NAALADL2: variants seen among roughly 807,000 people sequenced by gnomAD.
NAALADL2 encodes the protein N-acetylated alpha-linked acidic dipeptidase like 2, also known as inactive N-acetylated-alpha-linked acidic dipeptidase-like protein 2.
NAALADL2 carries 76 observed loss-of-function variants against 87.2 expected under a neutral mutation model. That is an observed-to-expected ratio of 0.87 (90% CI 0.72 to 1.05). The LOEUF (loss-of-function observed/expected upper bound fraction) is 1.05, where lower values mean the gene tolerates loss of function less well. Ranked by LOEUF, NAALADL2 falls within the 50% of genes least tolerant of loss-of-function variation. The pLI is 0.00. For missense variants in NAALADL2, 1,089 were observed against 945.8 expected, an observed-to-expected ratio of 1.15 and a Z score of -1.99; for synonymous variants, 354 against 331.0, an observed-to-expected ratio of 1.07 and a Z score of -0.75.
intron 5 of NAALADL2, among the ~76,000 whole-genome samples, chr3:175,388,027 G>C (rs9290552): frequency 0.23 from 35,403 of 151,736 alleles, 4,661 homozygotes; most frequent in East Asian, 0.45. Context: ...CACCATTCTC[G>C]GTAACTATCA....
rs549979382 is a variant in NAALADL2 at position 175,628,378 on chromosome 3, A to G, written c.1896+992A>G. 1.3e-5 allele frequency among the ~76,000 whole-genome samples: 2 copies of G among 151,732 alleles called. 1 individual carries two copies. The highest frequency in any genetic ancestry group is 3.9e-4 in the East Asian group (2 of 5,184). ...CAGGTATTTTCAACTTATCATGGACATAACCCCATCATAAGTTGTGAAATG... is the reference window on the plus strand; with the variant it reads ...CAGGTATTTTCAACTTATCATGGACGTAACCCCATCATAAGTTGTGAAATG... On this transcript the variant is annotated intron_variant, in intron 11 of 13. Coordinates refer to ENST00000454872, the MANE Select transcript of NAALADL2 (RefSeq NM_207015.3).
intron 9 of NAALADL2, among the ~76,000 whole-genome samples, chr3:175,518,586 C>G (rs1013361790): frequency 5.9e-5 from 9 of 152,196 alleles, no homozygotes; most frequent in Admixed American, 2.0e-4. Context: ...CTGGCAAGAG[C>G]CTTCCTGCTG....
chr3:175,403,026 A>G (rs1340743361), intron 5 of NAALADL2, among the ~76,000 whole-genome samples: 1 of 152,100 alleles, frequency 6.6e-6, no homozygotes, highest in Non-Finnish European at 1.5e-5. Flanking sequence ...CGCGCATGCC[A>G]GTTTCTGGTT....
At chr3:175,272,967 C>A (rs1055929654) in intron 4 of NAALADL2, among the ~76,000 whole-genome samples, 1 of 151,832 alleles carries the variant, frequency 6.6e-6, no homozygotes, top group South Asian at 2.1e-4. Flanking sequence ...TAATAACATG[C>A]AGATAAACTA....
intron 1 of NAALADL2, among the ~76,000 whole-genome samples, chr3:175,067,916 G>C (rs1055793700): frequency 2.6e-5 from 4 of 152,158 alleles, no homozygotes; most frequent in Admixed American, 6.6e-5. Context: ...GCTAAAAAAA[G>C]AATGAAATGA....
At chr3:174,540,043 A>G (rs1247729741) in intron 1 of NAALADL2, among the ~76,000 whole-genome samples, 2 of 150,048 alleles carry the variant, frequency 1.3e-5, no homozygotes, top group Non-Finnish European at 3.0e-5. Flanking sequence ...GCATTTATCT[A>G]TCTTGCTATC....
At chr3:174,470,719 A>G (rs1488227646) in intron 1 of NAALADL2, among the ~76,000 whole-genome samples, 2 of 152,090 alleles carry the variant, frequency 1.3e-5, no homozygotes, top group African/African-American at 2.4e-5. Context: ...CGTTTATTGA[A>G]TAGGGTATCC....
intron 2 of NAALADL2, among the ~76,000 whole-genome samples, chr3:174,569,452 A>T (rs2108530466): frequency 6.6e-6 from 1 of 152,164 alleles, no homozygotes; most frequent in Admixed American, 6.6e-5. Context: ...AGCACTACAT[A>T]TTTACAACAG....
intron 5 of NAALADL2, among the ~76,000 whole-genome samples, chr3:175,432,722 A>G (rs1291308776): frequency 6.6e-6 from 1 of 151,998 alleles, no homozygotes; most frequent in African/African-American, 2.4e-5. Context: ...TAATGAGAAG[A>G]GTTCTATTAA....
intron 11 of NAALADL2, among the ~76,000 whole-genome samples, chr3:175,697,823 A>G (rs1161622756): frequency 2.9e-5 from 3 of 104,442 alleles, no homozygotes; most frequent in Non-Finnish European, 4.2e-5. Context: ...GTATGTATAC[A>G]TATATATGTG....
chr3:175,054,343 G>A (rs756828553), intron 1 of NAALADL2, among the ~76,000 whole-genome samples: 1 of 152,306 alleles, frequency 6.6e-6, no homozygotes. Context: ...TAAAGGGATA[G>A]TAAAGAAACA....
chr3:175,057,271 G>T (rs1324176548), intron 1 of NAALADL2, among the ~76,000 whole-genome samples: 1 of 151,946 alleles, frequency 6.6e-6, no homozygotes, highest in African/African-American at 2.4e-5. Context: ...TTTCAGTCAC[G>T]ATCAACCTGA....
At chr3:174,679,927 A>G (rs1273619097) in intron 2 of NAALADL2, among the ~76,000 whole-genome samples, 2 of 152,138 alleles carry the variant, frequency 1.3e-5, no homozygotes, top group African/African-American at 2.4e-5. Flanking sequence ...TATGATTCTT[A>G]TCTTTGAAAA....
chr3:175,142,667 G>A (rs778030594), intron 2 of NAALADL2, among the ~76,000 whole-genome samples: 3 of 151,770 alleles, frequency 2.0e-5, no homozygotes, highest in Non-Finnish European at 4.4e-5. Flanking sequence ...TGCATCCTAT[G>A]TCAGGTAACA....
intron 5 of NAALADL2, among the ~76,000 whole-genome samples, chr3:175,399,355 G>A (rs952369983): frequency 1.3e-5 from 2 of 152,082 alleles, no homozygotes; most frequent in Non-Finnish European, 2.9e-5. Context: ...AACTTTCCGG[G>A]AATGCAGCCC....
At chr3:175,694,223 T>C (rs1489854227) in intron 11 of NAALADL2, among the ~76,000 whole-genome samples, 2 of 152,152 alleles carry the variant, frequency 1.3e-5, no homozygotes, top group Non-Finnish European at 2.9e-5. Flanking sequence ...CTTACTAAAA[T>C]AGGTGAAATT....
intron 1 of NAALADL2, among the ~76,000 whole-genome samples, chr3:174,951,578 A>G (rs1314244055): frequency 6.6e-6 from 1 of 152,068 alleles, no homozygotes; most frequent in East Asian, 1.9e-4. Context: ...GAGGCAATAT[A>G]TGTTTAGGTA....
rs1734687214 is a variant in NAALADL2, at chr3:174,750,222, A to G, written c.-9+12476A>G. On this transcript the variant is annotated intron_variant, in intron 3 of 3. Coordinates refer to the NAALADL2 transcript ENST00000434257. ...TAAAAGATAAGAATGGGCACTATAT[A>G]GCAGTAAGAGATCTTTAGCAATTCT... Among the ~76,000 whole-genome samples the G allele has an allele frequency of 1.1e-4, 17 of 152,332 alleles. No homozygotes were observed. In the South Asian group the frequency reaches 3.3e-3, roughly 30 times the overall value.
chr3:175,428,299 C>A (rs1039795247), intron 5 of NAALADL2, among the ~76,000 whole-genome samples: 1 of 152,092 alleles, frequency 6.6e-6, no homozygotes, highest in East Asian at 1.9e-4. Context: ...TTGAAGAAAA[C>A]GAAACTCCTT....
Sources: gnomAD v4.1 joint callset for allele counts (sites outside exome capture counted in the v4.1 genomes callset) on GRCh38, gnomAD v4.1.1 for gene constraint, MANE v1.5 for transcripts, NCBI Gene and HGNC (gene_info 2026-07-23, HGNC 2026-07-21) for gene names.